Variants in TANC2 observed in about 807,000 individuals in gnomAD.
TANC2 encodes protein TANC2.
A neutral mutation model predicts 210.5 loss-of-function variants in TANC2; 26 were observed. The observed-to-expected ratio is 0.12, with a 90% CI of 0.09 to 0.17. The LOEUF (loss-of-function observed/expected upper bound fraction) is 0.17. Among genes scored for constraint, TANC2 ranks in the 10% least tolerant of loss-of-function variants. The pLI is 1.00. For missense variants in TANC2, 2,129 were observed against 2,608.9 expected (o/e 0.82, Z 4.01); for synonymous variants, 931 against 967.1 (o/e 0.96, Z 0.69).
intron 4 of TANC2, among the ~76,000 whole-genome samples, chr17:63,144,502 A>T (rs2039399447): frequency 6.6e-6 from 1 of 152,202 alleles, no homozygotes; most frequent in African/African-American, 2.4e-5. Context: ...ACAATAATAT[A>T]CATTCACATT....
At chr17:63,209,330 T>G (rs1296879634) in intron 7 of TANC2, among the ~76,000 whole-genome samples, 1 of 151,844 alleles carries the variant, frequency 6.6e-6, no homozygotes, top group Non-Finnish European at 1.5e-5. Flanking sequence ...TTTTTTTTCC[T>G]TGTTGTACCA....
At chr17:63,265,405 G>T (rs2043493600) in intron 8 of TANC2, among the ~76,000 whole-genome samples, 2 of 152,112 alleles carry the variant, frequency 1.3e-5, no homozygotes, top group South Asian at 4.1e-4. Context: ...CTGGGCCAAT[G>T]GTATGGCCTC....
chr17:63,192,088 G>A (rs2041205490), intron 5 of TANC2, among the ~76,000 whole-genome samples: 1 of 152,128 alleles, frequency 6.6e-6, no homozygotes, highest in African/African-American at 2.4e-5. Context: ...AATAAGAAAA[G>A]TTCAAAACAA....
chr17:63,336,798 A>G (rs1248026704), intron 11 of TANC2, among the ~76,000 whole-genome samples: 4 of 152,230 alleles, frequency 2.6e-5, no homozygotes, highest in African/African-American at 9.6e-5. Context: ...TAAACAAGTT[A>G]CTTTGAAAGA....
chr17:63,324,558 A>G (rs1027524122), intron 11 of TANC2, among the ~76,000 whole-genome samples: 7 of 152,220 alleles, frequency 4.6e-5, no homozygotes, highest in Non-Finnish European at 8.8e-5. Context: ...TGTAGTGATT[A>G]TTTTTAAAAA....
chr17:63,101,942 G>T (rs1483569739), intron 4 of TANC2, among the ~76,000 whole-genome samples: 1 of 152,152 alleles, frequency 6.6e-6, no homozygotes, highest in Non-Finnish European at 1.5e-5. Context: ...AGCTTGGCAT[G>T]TTCAAGGAAT....
intron 4 of TANC2, among the ~76,000 whole-genome samples, chr17:63,111,076 G>A (rs1474621171): frequency 6.6e-6 from 1 of 152,178 alleles, no homozygotes; most frequent in Non-Finnish European, 1.5e-5. Flanking sequence ...AATTTGGGAG[G>A]CCAAGGTGGA....
chr17:63,073,989 C>T lies in TANC2; in HGVS notation c.114C>T (p.Asp38=). Reference sequence around the variant, plus strand: ...CGGATCGAAGACAGTCAAGTGTAGACTCTCGCCAAAGCCGCTCTGGGCAAG... The same window carrying T: ...CGGATCGAAGACAGTCAAGTGTAGATTCTCGCCAAAGCCGCTCTGGGCAAG... Residue 38 remains aspartate (D), a synonymous_variant, in exon 3 of 28, where the codon GAC becomes GAT. Transcript: ENST00000689528. The T allele has an allele frequency of 1.3e-6, 2 of 1,583,130 alleles. No individual in the cohort carries two copies. The highest frequency in any genetic ancestry group is 1.7e-6 in the Non-Finnish European group (2 of 1,164,640).
At position 63,087,240 on chromosome 17, in the gene TANC2, T is replaced by G. The variant is rs2037005072; in HGVS notation, c.140-11935T>G. 2.6e-5 allele frequency among the ~76,000 whole-genome samples: 4 copies of G among 152,176 alleles called. No homozygotes were observed. The South Asian group carries it at 8.3e-4, about 32-fold the overall frequency. On this transcript the variant is annotated intron_variant, in intron 3 of 27. Coordinates refer to ENST00000689528, the Ensembl canonical transcript of TANC2. ...TTCGCCTTTTAATGTGTCTTGCAAT[T>G]TTTTGCTGAAAGGTAGACATGATGT...
At chr17:63,146,288 C>T (rs2039460587) in intron 4 of TANC2, among the ~76,000 whole-genome samples, 1 of 151,872 alleles carries the variant, frequency 6.6e-6, no homozygotes, top group South Asian at 2.1e-4. Flanking sequence ...TTATTAGTTC[C>T]AGCAGGTATT....
chr17:63,427,191 C>G (rs1041882469), exon 28 of TANC2: 1 of 152,380 alleles, frequency 6.6e-6, no homozygotes, highest in East Asian at 1.9e-4. Flanking sequence ...GCATCTTTGT[C>G]TCTGTTCTGT....
intron 7 of TANC2, among the ~76,000 whole-genome samples, chr17:63,206,019 C>A (rs536089598): frequency 6.6e-6 from 1 of 152,084 alleles, no homozygotes; most frequent in Non-Finnish European, 1.5e-5. Context: ...AACAACAAAC[C>A]ATTTCAAAAA....
At chr17:62,980,234 C>T (rs945596448) in intron 1 of TANC2, among the ~76,000 whole-genome samples, 4 of 152,194 alleles carry the variant, frequency 2.6e-5, no homozygotes, top group Non-Finnish European at 5.9e-5. Context: ...CTATTGGGAA[C>T]AGAGATGTTC....
chr17:63,105,948 CAT>C (rs2037807422), intron 4 of TANC2, among the ~76,000 whole-genome samples: 1 of 151,604 alleles, frequency 6.6e-6, no homozygotes. Context: ...TTAGAGACCA[CAT>C]GTTTTTGTAA....
chr17:63,256,762 G>A (rs1365714894), intron 8 of TANC2, among the ~76,000 whole-genome samples: 1 of 152,078 alleles, frequency 6.6e-6, no homozygotes, highest in Non-Finnish European at 1.5e-5. Context: ...GGGTGCTCCA[G>A]TGTTAGGTGC....
chr17:63,228,423 G>T (rs1041784949), intron 7 of TANC2, among the ~76,000 whole-genome samples: 4 of 152,004 alleles, frequency 2.6e-5, no homozygotes, highest in Non-Finnish European at 4.4e-5. Flanking sequence ...GCTCTTTGTT[G>T]GTTCCATATG....
At position 63,379,838 on chromosome 17, in the gene TANC2, A is replaced by C; in HGVS notation, c.2691+12A>C. The C allele has an allele frequency of 6.2e-7, 1 of 1,602,868 alleles. No individual in the cohort carries two copies. Among genetic ancestry groups the C allele is most frequent in the African/African-American group, 1.3e-5 (1 of 74,654 alleles). The stretch of plus-strand genomic sequence containing the variant: ...CACACATTTTTAAGGTAATTAAAGC[A>C]GTTGGAACCATTTTTCCGCCATCTC... On this transcript the variant is annotated intron_variant, in intron 15 of 27. Coordinates refer to ENST00000689528, the Ensembl canonical transcript of TANC2.
chr17:63,219,241 C>T (rs1041520002), intron 7 of TANC2, among the ~76,000 whole-genome samples: 14 of 151,860 alleles, frequency 9.2e-5, no homozygotes, highest in African/African-American at 3.4e-4. Context: ...TGGCTACCCA[C>T]GTGTTTGTCT....
rs564260156 is a variant in TANC2 at position 63,202,887 on chromosome 17, A to C, written c.769+1930A>C. Among the ~76,000 whole-genome samples the C allele has an allele frequency of 2.6e-5, 4 of 152,218 alleles. No individual in the cohort carries two copies. The East Asian group carries it at 7.7e-4, about 29-fold the overall frequency. On this transcript the variant is annotated intron_variant, in intron 7 of 27. Coordinates refer to ENST00000689528, the Ensembl canonical transcript of TANC2. Reference sequence around the variant, plus strand: ...TTGTGTGTGTTTGTGATTTTAATTTATAAAGTGGCATGTTAATACAGATCT... The same window carrying C: ...TTGTGTGTGTTTGTGATTTTAATTTCTAAAGTGGCATGTTAATACAGATCT...
Sources: allele counts gnomAD v4.1 joint callset (sites outside exome capture counted in the v4.1 genomes callset), GRCh38; gene constraint gnomAD v4.1.1; transcripts MANE v1.5; gene names NCBI Gene and HGNC (gene_info 2026-07-23, HGNC 2026-07-21).